ARHGAP15: variants seen among roughly 807,000 people sequenced by gnomAD.
ARHGAP15 encodes rho GTPase-activating protein 15.
Under a neutral mutation model 63.7 loss-of-function variants are expected in ARHGAP15, and 51 were observed. That is an observed-to-expected ratio of 0.80 (90% CI 0.64 to 1.01). The LOEUF (loss-of-function observed/expected upper bound fraction) is 1.01. Ranked by LOEUF, ARHGAP15 falls within the 50% of genes least tolerant of loss-of-function variation. ARHGAP15 has a pLI of 0.00. For synonymous variants in ARHGAP15, 191 were observed against 193.8 expected (o/e 0.99, Z 0.12); for missense variants, 560 against 564.6 (o/e 0.99, Z 0.08).
At chr2:143,671,334 G>A (rs1434555396) in intron 12 of ARHGAP15, among the ~76,000 whole-genome samples, 2 of 152,056 alleles carry the variant, frequency 1.3e-5, no homozygotes, top group African/African-American at 4.8e-5. Context: ...TGGCTGCCTG[G>A]AAGAGTAGCT....
intron 6 of ARHGAP15, among the ~76,000 whole-genome samples, chr2:143,328,916 T>G (rs987931385): frequency 6.6e-6 from 1 of 152,264 alleles, no homozygotes; most frequent in Non-Finnish European, 1.5e-5. Context: ...TGTTATGCAT[T>G]ACATGCCTGT....
chr2:143,292,532 A>C (rs1043120763), intron 6 of ARHGAP15, among the ~76,000 whole-genome samples: 6 of 151,922 alleles, frequency 3.9e-5, no homozygotes, highest in Admixed American at 2.0e-4. Flanking sequence ...TATATACTTC[A>C]CCTTGTCCAT....
At chr2:143,527,129 C>T (rs932449304) in intron 10 of ARHGAP15, among the ~76,000 whole-genome samples, 1 of 151,920 alleles carries the variant, frequency 6.6e-6, no homozygotes, top group Non-Finnish European at 1.5e-5. Context: ...ATGACATTTT[C>T]CAAGGGATTT....
chr2:143,718,251 C>G (rs1202092960), intron 13 of ARHGAP15, among the ~76,000 whole-genome samples: 1 of 152,184 alleles, frequency 6.6e-6, no homozygotes, highest in African/African-American at 2.4e-5. Context: ...TAGTAGCAGA[C>G]TCAACCCACA....
chr2:143,739,061 A>G (rs1685862177), intron 13 of ARHGAP15, among the ~76,000 whole-genome samples: 2 of 152,192 alleles, frequency 1.3e-5, no homozygotes, highest in Admixed American at 6.5e-5. Context: ...CTTATGGACA[A>G]TAGAACCAGC....
intron 5 of ARHGAP15, among the ~76,000 whole-genome samples, chr2:143,230,916 C>T (rs899294839): frequency 6.6e-6 from 1 of 152,132 alleles, no homozygotes; most frequent in African/African-American, 2.4e-5. Context: ...GGGGTCAAGA[C>T]AAGCTGCCTG....
chr2:143,725,382 G>A (rs954071070), intron 13 of ARHGAP15, among the ~76,000 whole-genome samples: 6 of 152,104 alleles, frequency 3.9e-5, no homozygotes, highest in Non-Finnish European at 8.8e-5. Flanking sequence ...TTTGGCCTGT[G>A]GAGAAGACAC....
rs796923943 is a variant in ARHGAP15, at chr2:143,330,119, A to T, written c.474+79519A>T. 1.3e-3 allele frequency among the ~76,000 whole-genome samples: 85 copies of T among 67,184 alleles called. 3 individuals carry two copies. The highest frequency in any genetic ancestry group is 3.4e-3 in the South Asian group (8 of 2,380). The allele number at this position is 67,184 out of a possible 152,430, so 44.1% of individuals were successfully genotyped here. ...CAAAAAAAAAAAAAAAAAAAAAAAA[A>T]AAAAAAAAAAAACCAAAAACAAAAA... On this transcript the variant is annotated intron_variant, in intron 6 of 13. Transcript: ENST00000295095.
chr2:143,693,469 C>T (rs932588521), intron 12 of ARHGAP15, among the ~76,000 whole-genome samples: 5 of 152,172 alleles, frequency 3.3e-5, no homozygotes, highest in African/African-American at 1.2e-4. Context: ...TTGTTTATTC[C>T]TAATGGAACA....
At chr2:143,722,102 C>T (rs1003154793) in intron 13 of ARHGAP15, among the ~76,000 whole-genome samples, 2 of 151,966 alleles carry the variant, frequency 1.3e-5, no homozygotes, top group African/African-American at 4.8e-5. Context: ...TTCCTCAATG[C>T]TTTTTATACT....
intron 6 of ARHGAP15, among the ~76,000 whole-genome samples, chr2:143,346,277 CACAA>C (rs1252677696): frequency 1.3e-5 from 2 of 151,036 alleles, no homozygotes; most frequent in African/African-American, 2.4e-5. Context: ...CACACACACT[CACAA>C]ACACACCAGG....
chr2:143,388,647 C>A (rs1479134752), intron 6 of ARHGAP15, among the ~76,000 whole-genome samples: 1 of 152,132 alleles, frequency 6.6e-6, no homozygotes, highest in Admixed American at 6.5e-5. Flanking sequence ...TTTATACATA[C>A]ACAATGCCTA....
intron 13 of ARHGAP15, among the ~76,000 whole-genome samples, chr2:143,746,869 G>T (rs1242386726): frequency 1.3e-5 from 2 of 152,166 alleles, no homozygotes; most frequent in African/African-American, 4.8e-5. Flanking sequence ...AGCATGATTG[G>T]CATAAATGTG....
At chr2:143,518,638 A>T (rs574450850) in intron 9 of ARHGAP15, among the ~76,000 whole-genome samples, 2 of 152,178 alleles carry the variant, frequency 1.3e-5, no homozygotes, top group South Asian at 4.1e-4. Flanking sequence ...AGGGTCTGGT[A>T]TTCCAAAGAA....
At chr2:143,346,246 A>ACT (rs1685291845) in intron 6 of ARHGAP15, among the ~76,000 whole-genome samples, 4 of 80,584 alleles carry the variant, frequency 5.0e-5, no homozygotes, top group African/African-American at 1.8e-4. Context: ...TCACACACAC[A>ACT]CACTCACACA....
At chr2:143,250,337 GA>G (rs891773562) in intron 5 of ARHGAP15, among the ~76,000 whole-genome samples, 173 bp from the exon 6 acceptor site, 3 of 151,912 alleles carry the variant, frequency 2.0e-5, no homozygotes, top group Non-Finnish European at 2.9e-5. Context: ...TTTAGACATT[GA>G]AAAAAATTAG....
At chr2:143,746,904 G>A (rs551535864) in intron 13 of ARHGAP15, among the ~76,000 whole-genome samples, 14 of 152,236 alleles carry the variant, frequency 9.2e-5, no homozygotes, top group African/African-American at 3.4e-4. Flanking sequence ...AGTAATATAA[G>A]TGCAAAACAA....
At chr2:143,481,435 G>GT in intron 8 of ARHGAP15, among the ~76,000 whole-genome samples, 1 of 152,112 alleles carries the variant, frequency 6.6e-6, no homozygotes, top group South Asian at 2.1e-4. Flanking sequence ...ACATGTAATT[G>GT]TAACATGGGA....
At chr2:143,167,191 G>T (rs779112977) in intron 2 of ARHGAP15, among the ~76,000 whole-genome samples, 1 of 152,088 alleles carries the variant, frequency 6.6e-6, no homozygotes, top group Admixed American at 6.6e-5. Flanking sequence ...CCTTCAAGTA[G>T]CCATAATTTA....
Sources: gnomAD v4.1 joint callset for allele counts (sites outside exome capture counted in the v4.1 genomes callset) on GRCh38, gnomAD v4.1.1 for gene constraint, MANE v1.5 for transcripts, NCBI Gene and HGNC (gene_info 2026-07-23, HGNC 2026-07-21) for gene names.